The following C10orf90 variants were observed in gnomAD, a reference collection of about 807,000 sequenced individuals.
C10orf90 encodes the protein (E2-independent) E3 ubiquitin-conjugating enzyme FATS.
Under a neutral mutation model 62.5 loss-of-function variants are expected in C10orf90, and 56 were observed. That is an observed-to-expected ratio of 0.90 (90% CI 0.72 to 1.12). The LOEUF (loss-of-function observed/expected upper bound fraction) is 1.12, where lower values mean the gene tolerates loss of function less well. C10orf90 is among the 50% of genes most tolerant of loss of function. C10orf90 has a pLI of 0.00. For synonymous variants in C10orf90, 386 were observed against 340.4 expected (o/e 1.13, Z -1.47); for missense variants, 970 against 880.4 (o/e 1.10, Z -1.29).
chr10:126,506,292 CACT>C (rs1207422560), intron 3 of C10orf90, among the ~76,000 whole-genome samples: 2 of 152,220 alleles, frequency 1.3e-5, no homozygotes, highest in African/African-American at 2.4e-5. Context: ...ATGTGTGAAG[CACT>C]ACAAAATACA....
intron 2 of C10orf90, among the ~76,000 whole-genome samples, chr10:126,585,379 AAAAG>A (rs1166467081): frequency 1.8e-5 from 1 of 56,988 alleles, no homozygotes; most frequent in African/African-American, 8.3e-5. Flanking sequence ...AGGAAGGAAG[AAAAG>A]AAAGGAAAGA....
chr10:126,552,373 T>G (rs1332870482), intron 2 of C10orf90, among the ~76,000 whole-genome samples: 1 of 152,222 alleles, frequency 6.6e-6, no homozygotes, highest in South Asian at 2.1e-4. Flanking sequence ...AATTTGCATT[T>G]GTCTTAGTTA....
intron 2 of C10orf90, among the ~76,000 whole-genome samples, chr10:126,551,476 T>C (rs1277809257): frequency 6.6e-6 from 1 of 152,194 alleles, no homozygotes; most frequent in Non-Finnish European, 1.5e-5. Flanking sequence ...GAAACACATG[T>C]TGGATTGAAT....
chr10:126,608,648 A>T (rs765922341), intron 2 of C10orf90, among the ~76,000 whole-genome samples: 6 of 152,252 alleles, frequency 3.9e-5, no homozygotes, highest in Non-Finnish European at 7.3e-5. Context: ...CAGACAGCAC[A>T]TCACAATGGA....
At chr10:126,520,296 C>T (rs1863670695) in intron 2 of C10orf90, 1 of 152,186 alleles carries the variant, frequency 6.6e-6, no homozygotes, top group Non-Finnish European at 1.5e-5. Context: ...TTGACATTGC[C>T]AGTTTGTGAC....
chr10:126,605,214 G>A (rs568054366), intron 2 of C10orf90, among the ~76,000 whole-genome samples: 15 of 152,332 alleles, frequency 9.8e-5, no homozygotes, highest in South Asian at 4.1e-4. Context: ...ATGAATGACC[G>A]TAAATGCCCT....
rs1863277078 is a variant in C10orf90 at position 126,513,820 on chromosome 10, T to G, written c.405+28A>C. On this transcript the variant is annotated intron_variant, in intron 3 of 9. Coordinates refer to ENST00000488181, the MANE Select transcript of C10orf90 (RefSeq NM_001350921.2). Reference sequence around the variant, plus strand: ...TTATAGATGGGTGCATTTTGCTGACTATTCTAGAAGTTAGAAATGTATGTT... The same window carrying G: ...TTATAGATGGGTGCATTTTGCTGACGATTCTAGAAGTTAGAAATGTATGTT... 4 of 1,436,828 alleles carry G rather than the reference T, an allele frequency of 2.8e-6. No individual in the cohort carries two copies. The African/African-American group carries it at 5.6e-5, about 20-fold the overall frequency. 89.0% of individuals were successfully genotyped at this position (1,436,828 alleles called of 1,614,324 possible). A position where few individuals can be genotyped will look rare whatever the true frequency, so the allele number is the denominator to read the frequency against.
chr10:126,607,361 T>C (rs1158209033), intron 2 of C10orf90, among the ~76,000 whole-genome samples: 2 of 152,250 alleles, frequency 1.3e-5, no homozygotes, highest in Admixed American at 6.5e-5. Flanking sequence ...GTTGCAAATC[T>C]AACTAGCCAC....
At chr10:126,448,423 A>C (rs985786737) in intron 7 of C10orf90, among the ~76,000 whole-genome samples, 2 of 152,172 alleles carry the variant, frequency 1.3e-5, no homozygotes, top group Non-Finnish European at 2.9e-5. Flanking sequence ...CTACATTAAG[A>C]AAGAAGAAAG....
chr10:126,536,322 T>TC (rs1317920942), intron 2 of C10orf90, among the ~76,000 whole-genome samples: 1 of 152,166 alleles, frequency 6.6e-6, no homozygotes, highest in African/African-American at 2.4e-5. Context: ...CAGATGACTC[T>TC]CCCCACACTG....
Position 126,549,744 on chromosome 10 carries a change from C to CCA in C10orf90, c.314-35806_314-35805insTG, listed in dbSNP as rs1554914101. On this transcript the variant is annotated intron_variant, in intron 2 of 9. Coordinates refer to ENST00000488181, the MANE Select transcript of C10orf90 (RefSeq NM_001350921.2). Reference sequence around the variant, plus strand: ...TTTATAACATCTTTATTCATAATAGCAAAAAAAAAAAAAAAAATTTAAGAA... The same window carrying CCA: ...TTTATAACATCTTTATTCATAATAGCCAAAAAAAAAAAAAAAAAATTTAAGAA... Among the ~76,000 whole-genome samples the CCA allele has an allele frequency of 7.7e-3, 1,103 of 143,754 alleles. 13 individuals carry two copies. Among genetic ancestry groups the CCA allele is most frequent in the African/African-American group, 0.027 (1,064 of 39,034 alleles). 94.3% of individuals were successfully genotyped at this position (143,754 alleles called of 152,430 possible).
chr10:126,528,633 C>A (rs2133952328), intron 2 of C10orf90, among the ~76,000 whole-genome samples: 1 of 152,284 alleles, frequency 6.6e-6, no homozygotes, highest in Non-Finnish European at 1.5e-5. Flanking sequence ...CCACCACGGC[C>A]CAGCACTGGG....
intron 4 of C10orf90, among the ~76,000 whole-genome samples, chr10:126,490,307 C>T (rs1861698365): frequency 6.6e-6 from 1 of 151,306 alleles, no homozygotes; most frequent in Non-Finnish European, 1.5e-5. Context: ...ACTTATATGA[C>T]ATACCTAGAG....
intron 4 of C10orf90, among the ~76,000 whole-genome samples, chr10:126,503,425 AATT>A (rs1457122408): frequency 6.6e-5 from 10 of 152,162 alleles, no homozygotes; most frequent in Admixed American, 2.6e-4. Flanking sequence ...AATGTCCTAT[AATT>A]ATTATACACG....
intron 2 of C10orf90, among the ~76,000 whole-genome samples, chr10:126,626,997 T>TTTA (rs1845757594): frequency 3.7e-5 from 4 of 109,160 alleles, no homozygotes; most frequent in Admixed American, 2.9e-4. Flanking sequence ...TTCTTTTTCT[T>TTTA]TTCTTTTTTT....
At chr10:126,434,624 A>G (rs1182014732) in intron 7 of C10orf90, among the ~76,000 whole-genome samples, 1 of 152,218 alleles carries the variant, frequency 6.6e-6, no homozygotes, top group African/African-American at 2.4e-5. Flanking sequence ...AGCCTGGAGT[A>G]TAGACGTCAA....
At chr10:126,612,245 T>C (rs1006492447) in intron 2 of C10orf90, among the ~76,000 whole-genome samples, 4 of 152,000 alleles carry the variant, frequency 2.6e-5, no homozygotes, top group Non-Finnish European at 5.9e-5. Context: ...TGCTTGAACT[T>C]GGGATGTGGA....
intron 4 of C10orf90, among the ~76,000 whole-genome samples, chr10:126,473,138 C>A (rs1437179021): frequency 6.6e-6 from 1 of 152,176 alleles, no homozygotes; most frequent in African/African-American, 2.4e-5. Flanking sequence ...TCCACACCAG[C>A]CCCACATTCC....
rs367992083 is a variant in C10orf90 at position 126,509,134 on chromosome 10, G to A, written c.406-4049C>T. Among the ~76,000 whole-genome samples the A allele has an allele frequency of 2.4e-4, 37 of 152,294 alleles. 1 individual carries two copies. Among genetic ancestry groups the A allele is most frequent in the South Asian group, 2.3e-3 (11 of 4,816 alleles). ...TAAGTGGGGCCTGGCAAACGTGACC[G>A]TGAGTTTTGACTCTATCAGATGTGA... On this transcript the variant is annotated intron_variant, in intron 3 of 9. Transcript: ENST00000488181.
Sources: allele counts gnomAD v4.1 joint callset (sites outside exome capture counted in the v4.1 genomes callset), GRCh38; gene constraint gnomAD v4.1.1; transcripts MANE v1.5; gene names NCBI Gene and HGNC (gene_info 2026-07-23, HGNC 2026-07-21).